Variants in SLC24A4 observed in about 807,000 individuals in gnomAD.
The protein encoded by SLC24A4 is sodium/potassium/calcium exchanger 4.
Under a neutral mutation model 79.0 loss-of-function variants are expected in SLC24A4, and 53 were observed. The observed-to-expected ratio is 0.67, with a 90% CI of 0.54 to 0.84. SLC24A4 has a LOEUF of 0.84. Ranked by LOEUF, SLC24A4 falls within the 40% of genes least tolerant of loss-of-function variation. SLC24A4 has a pLI of 0.00. For missense variants in SLC24A4, 731 were observed against 822.0 expected (o/e 0.89, Z 1.35); for synonymous variants, 323 against 323.8 (o/e 1.00, Z 0.03).
At chr14:92,324,998 C>T (rs956339647) in intron 1 of SLC24A4, among the ~76,000 whole-genome samples, 3 of 152,206 alleles carry the variant, frequency 2.0e-5, no homozygotes, top group African/African-American at 7.2e-5. Context: ...AAAAGTGGCT[C>T]TTTGCAGTGA....
chr14:92,490,087 C>CATG lies in SLC24A4; in HGVS notation c.1538-1578_1538-1577insATG, dbSNP rs567140908. Among the ~76,000 whole-genome samples the CATG allele has an allele frequency of 9.7e-4, 148 of 152,252 alleles. 2 individuals are homozygous for CATG. The East Asian group carries it at 0.015, about 15-fold the overall frequency. ...AACAAGCAGGGGAGGAGGAGGTGAC[C>CATG]TAGCTATGCAACATGGGCGGGCTGG... On this transcript the variant is annotated intron_variant, in intron 14 of 16. Transcript: ENST00000532405. The surrounding 1 kb of genome is among the most constrained non-coding windows in gnomAD (Gnocchi z 4.3).
chr14:92,417,135 G>A (rs1891021280), intron 2 of SLC24A4, among the ~76,000 whole-genome samples: 1 of 152,118 alleles, frequency 6.6e-6, no homozygotes, highest in Admixed American at 6.5e-5. Flanking sequence ...ATATTTACAA[G>A]GACCATGTAC....
intron 2 of SLC24A4, among the ~76,000 whole-genome samples, chr14:92,370,885 G>A (rs1053483745): frequency 2.6e-5 from 4 of 152,298 alleles, no homozygotes; most frequent in African/African-American, 9.6e-5. Context: ...AACCGGAGCG[G>A]CACCAGACTT....
chr14:92,436,873 C>G (rs1189102244), intron 3 of SLC24A4, among the ~76,000 whole-genome samples: 1 of 152,170 alleles, frequency 6.6e-6, no homozygotes, highest in Admixed American at 6.5e-5. Context: ...GTCTCCCCCA[C>G]CTGCCTTCTC....
chr14:92,348,160 T>A (rs977129248), intron 2 of SLC24A4, among the ~76,000 whole-genome samples: 1 of 152,188 alleles, frequency 6.6e-6, no homozygotes, highest in African/African-American at 2.4e-5. Context: ...TTACTGAGTG[T>A]GTGAACTCAG....
rs1287402038 is a variant in SLC24A4, at chr14:92,338,688, A to G, written c.241+12710A>G. On this transcript the variant is annotated intron_variant, in intron 2 of 16. Coordinates refer to ENST00000532405, the MANE Select transcript of SLC24A4 (RefSeq NM_153646.4). ...CGGCAGCTTGTTCAGCTCTGTACCT[A>G]AGATATCTGTTTACTAAAATAAATG... Among the ~76,000 whole-genome samples the G allele has an allele frequency of 2.6e-5, 4 of 152,162 alleles. No individual in the cohort carries two copies. In the East Asian group the frequency reaches 7.7e-4, roughly 29 times the overall value.
chr14:92,418,093 C>T (rs913408347), intron 2 of SLC24A4, among the ~76,000 whole-genome samples: 1 of 152,200 alleles, frequency 6.6e-6, no homozygotes, highest in Non-Finnish European at 1.5e-5. Context: ...TGAATGGACT[C>T]AGGCCCTAGC....
chr14:92,380,222 G>A (rs1335839071), intron 2 of SLC24A4, among the ~76,000 whole-genome samples: 3 of 152,178 alleles, frequency 2.0e-5, no homozygotes, highest in Non-Finnish European at 2.9e-5. Context: ...GAGCACCCAC[G>A]TTCCCTTGGA....
intron 2 of SLC24A4, among the ~76,000 whole-genome samples, chr14:92,425,996 ATCAG>A (rs1210650618): frequency 4.6e-5 from 7 of 152,034 alleles, no homozygotes; most frequent in Non-Finnish European, 1.0e-4. Flanking sequence ...CAATCAATCA[ATCAG>A]TCAATCAATC....
At chr14:92,406,423 A>G (rs1260487628) in intron 2 of SLC24A4, among the ~76,000 whole-genome samples, 1 of 152,182 alleles carries the variant, frequency 6.6e-6, no homozygotes, top group African/African-American at 2.4e-5. Context: ...TGGACTCTGT[A>G]TGGGGGCTCC....
chr14:92,392,437 C>T (rs1889526599), intron 2 of SLC24A4, among the ~76,000 whole-genome samples: 2 of 151,872 alleles, frequency 1.3e-5, no homozygotes, highest in Admixed American at 1.3e-4. Context: ...GAGGTCCAGG[C>T]CCTGATTGCT....
chr14:92,339,583 G>T (rs929330936), intron 2 of SLC24A4, among the ~76,000 whole-genome samples: 1 of 152,200 alleles, frequency 6.6e-6, no homozygotes, highest in African/African-American at 2.4e-5. Flanking sequence ...GCCTGGCTCC[G>T]GAGGCTTTGC....
At chr14:92,393,167 C>T (rs1365148099) in intron 2 of SLC24A4, among the ~76,000 whole-genome samples, 3 of 152,264 alleles carry the variant, frequency 2.0e-5, no homozygotes, top group East Asian at 3.8e-4. Context: ...TCTTAGACTT[C>T]CCCACCTTCA....
In SLC24A4 at chr14:92,483,710, TCTC is replaced by T. The variant is rs1451586895; in HGVS notation, c.1422+871_1422+873del. ...TATACCACCTAATGGGGTCCCTTCT[TCTC>T]CTCCTCATTCCCAGGAGCAAAGAGA... On this transcript the variant is annotated intron_variant, in intron 13 of 16. Transcript: ENST00000532405. The T allele has an allele frequency of 1.1e-5, 13 of 1,224,768 alleles. No individual in the cohort carries two copies. The East Asian group carries it at 6.8e-4, about 64-fold the overall frequency. 75.9% of individuals were successfully genotyped at this position (1,224,768 alleles called of 1,614,324 possible). A position where few individuals can be genotyped will look rare whatever the true frequency, so the allele number is the denominator to read the frequency against.
chr14:92,472,428 G>A (rs1327536669), intron 12 of SLC24A4, among the ~76,000 whole-genome samples: 3 of 151,978 alleles, frequency 2.0e-5, no homozygotes, highest in African/African-American at 7.3e-5. Flanking sequence ...AGTCCCCAAA[G>A]TCCACTGTAT....
intron 2 of SLC24A4, among the ~76,000 whole-genome samples, chr14:92,415,429 AT>A (rs1235026846): frequency 6.6e-6 from 1 of 151,894 alleles, no homozygotes; most frequent in South Asian, 2.1e-4. Flanking sequence ...CATGGATTTT[AT>A]TTTTTATGTT....
At chr14:92,337,428 A>G (rs530056779) in intron 2 of SLC24A4, among the ~76,000 whole-genome samples, 1 of 152,184 alleles carries the variant, frequency 6.6e-6, no homozygotes, top group East Asian at 1.9e-4. Context: ...CCCTCATCGT[A>G]CCCATTGAGA....
intron 1 of SLC24A4, among the ~76,000 whole-genome samples, chr14:92,324,249 C>T (rs113759383): frequency 0.073 from 11,065 of 152,232 alleles, 1,284 homozygotes; most frequent in African/African-American, 0.24. Context: ...CCCGGGAGTG[C>T]GCCCGGAATG....
At chr14:92,408,451 T>C (rs966905177) in intron 2 of SLC24A4, 38 of 984,730 alleles carry the variant, frequency 3.9e-5, no homozygotes, top group Non-Finnish European at 4.2e-5. Flanking sequence ...TTATTTTACC[T>C]TGGAAGCCTT....
Sources: allele counts gnomAD v4.1 joint callset (sites outside exome capture counted in the v4.1 genomes callset), GRCh38; gene constraint gnomAD v4.1.1; non-coding constraint Gnocchi (gnomAD v3.1); transcripts MANE v1.5; gene names NCBI Gene and HGNC (gene_info 2026-07-23, HGNC 2026-07-21).